Variants in CSMD3 observed in about 807,000 individuals in gnomAD.
CSMD3 encodes the protein CUB and sushi domain-containing protein 3.
A neutral mutation model predicts 435.2 loss-of-function variants in CSMD3; 177 were observed. The observed-to-expected ratio is 0.41, with a 90% CI of 0.36 to 0.46. CSMD3 has a LOEUF of 0.46. CSMD3 is among the 20% of genes least tolerant of loss of function. The probability of loss-of-function intolerance (pLI) is 0.34; values close to 1 mark genes in which losing one functional copy is unlikely to be tolerated. For synonymous variants in CSMD3, 1,656 were observed against 1,520.5 expected (o/e 1.09, Z -2.07); for missense variants, 4,265 against 4,504.6 (o/e 0.95, Z 1.52).
In CSMD3 at chr8:113,077,677, T is replaced by C. The variant is rs2089400629; in HGVS notation, c.917+21079A>G. On this transcript the variant is annotated intron_variant, in intron 5 of 70. Transcript: ENST00000297405. ...GAGATCGCATCACTGGACTCCAGCC[T>C]GGGTGACAGAGCAAGACTCTTGTCT... Among the ~76,000 whole-genome samples, 4 of 152,146 alleles carry C rather than the reference T, an allele frequency of 2.6e-5. No homozygotes were observed. The South Asian group carries it at 8.3e-4, about 31-fold the overall frequency.
At chr8:113,219,734 A>C (rs542530388) in intron 3 of CSMD3, among the ~76,000 whole-genome samples, 1 of 151,644 alleles carries the variant, frequency 6.6e-6, no homozygotes, top group African/African-American at 2.4e-5. Context: ...TATACTGGGT[A>C]TAGGAAAAGC....
intron 13 of CSMD3, among the ~76,000 whole-genome samples, chr8:112,751,147 T>TA (rs1324251736): frequency 1.3e-5 from 2 of 152,076 alleles, no homozygotes; most frequent in Non-Finnish European, 2.9e-5. Flanking sequence ...TGCATGCATA[T>TA]AATCCTCCCC....
At chr8:113,299,754 T>G (rs1289976091) in intron 2 of CSMD3, among the ~76,000 whole-genome samples, 1 of 152,028 alleles carries the variant, frequency 6.6e-6, no homozygotes, top group African/African-American at 2.4e-5. Flanking sequence ...TAGAACTTTG[T>G]GAAGCTGAGG....
intron 3 of CSMD3, among the ~76,000 whole-genome samples, chr8:113,236,123 C>T (rs1222896835): frequency 1.3e-5 from 2 of 152,052 alleles, no homozygotes; most frequent in Non-Finnish European, 2.9e-5. Flanking sequence ...AAAAACACAC[C>T]ACTAGGTGGA....
At chr8:112,426,221 T>C (rs559861464) in intron 32 of CSMD3, among the ~76,000 whole-genome samples, 1 of 152,258 alleles carries the variant, frequency 6.6e-6, no homozygotes, top group African/African-American at 2.4e-5. Flanking sequence ...ATTCCATTGG[T>C]GAATTTGAGT....
chr8:112,844,191 T>A (rs915209679), intron 11 of CSMD3, among the ~76,000 whole-genome samples: 6 of 151,984 alleles, frequency 3.9e-5, no homozygotes, highest in Non-Finnish European at 2.9e-5. Context: ...CAATTTAATA[T>A]AATTAATTCA....
Position 112,921,610 on chromosome 8 carries a change from T to C in CSMD3, c.1633+17A>G. The C allele has an allele frequency of 6.2e-7, 1 of 1,606,124 alleles. No homozygotes were observed. The highest frequency in any genetic ancestry group is 8.5e-7 in the Non-Finnish European group (1 of 1,173,162). The stretch of plus-strand genomic sequence containing the variant: ...ACTATTAAAATGTGTTCAGAGGGCA[T>C]TATTATAAAACATTACCTTTACACA... On this transcript the variant is annotated intron_variant, in intron 10 of 70. Coordinates refer to ENST00000297405, the MANE Select transcript of CSMD3 (RefSeq NM_198123.2).
At chr8:112,897,776 G>T (rs74424007) in intron 10 of CSMD3, among the ~76,000 whole-genome samples, 1 of 146,046 alleles carries the variant, frequency 6.8e-6, no homozygotes, top group Non-Finnish European at 1.5e-5. Context: ...AAAAAAATAG[G>T]CATAAAGCGG....
intron 1 of CSMD3, among the ~76,000 whole-genome samples, chr8:113,429,404 A>C (rs1021612880): frequency 3.9e-5 from 6 of 151,990 alleles, no homozygotes; most frequent in Non-Finnish European, 5.9e-5. Context: ...GATTATAAGA[A>C]ATAAATAAAA....
chr8:113,149,343 T>C (rs886837084), intron 4 of CSMD3, among the ~76,000 whole-genome samples: 3 of 151,842 alleles, frequency 2.0e-5, no homozygotes, highest in Admixed American at 6.6e-5. Context: ...TTCAGATTCA[T>C]TGTCTTCCCT....
chr8:113,323,352 C>T (rs948619390), intron 1 of CSMD3, among the ~76,000 whole-genome samples: 1 of 152,134 alleles, frequency 6.6e-6, no homozygotes, highest in Non-Finnish European at 1.5e-5. Context: ...TCAAATTACT[C>T]AATTGTTATT....
At chr8:112,612,709 CTTTTTTTT>C (rs532290154) in intron 22 of CSMD3, among the ~76,000 whole-genome samples, 18 of 65,888 alleles carry the variant, frequency 2.7e-4, no homozygotes, top group African/African-American at 8.1e-4. Flanking sequence ...TTTCTTTGTT[CTTTTTTTT>C]TTTTTTTTTT....
At chr8:112,606,030 C>T (rs1832765218) in intron 22 of CSMD3, among the ~76,000 whole-genome samples, 1 of 152,110 alleles carries the variant, frequency 6.6e-6, no homozygotes. Flanking sequence ...CTATCATCAT[C>T]CTCTGAAGCA....
At chr8:112,576,991 G>A (rs562089868) in intron 23 of CSMD3, among the ~76,000 whole-genome samples, 1 of 152,078 alleles carries the variant, frequency 6.6e-6, no homozygotes, top group South Asian at 2.1e-4. Context: ...AACAAAATCT[G>A]CTAACTACAA....
At chr8:112,535,401 T>C (rs935243609) in intron 27 of CSMD3, among the ~76,000 whole-genome samples, 25 of 151,878 alleles carry the variant, frequency 1.6e-4, no homozygotes, top group Non-Finnish European at 2.9e-5. Flanking sequence ...AGCCAAATCA[T>C]GAGTGAACTC....
intron 5 of CSMD3, among the ~76,000 whole-genome samples, chr8:113,020,447 G>T (rs2086647519): frequency 6.6e-6 from 1 of 152,052 alleles, no homozygotes; most frequent in African/African-American, 2.4e-5. Flanking sequence ...CAGTTTTTAT[G>T]ACATCATGAA....
chr8:113,143,640 T>C (rs1011232267), intron 4 of CSMD3, among the ~76,000 whole-genome samples: 3 of 151,406 alleles, frequency 2.0e-5, no homozygotes, highest in Non-Finnish European at 1.5e-5. Flanking sequence ...GAACTATTGA[T>C]ACATGCAAAA....
intron 10 of CSMD3, among the ~76,000 whole-genome samples, chr8:112,885,138 AT>A (rs1416657203): frequency 6.6e-6 from 1 of 151,666 alleles, no homozygotes; most frequent in Non-Finnish European, 1.5e-5. Flanking sequence ...ACCACATCTT[AT>A]TCCTGACTGG....
chr8:113,166,155 G>A (rs1196064823), intron 4 of CSMD3, among the ~76,000 whole-genome samples: 1 of 152,064 alleles, frequency 6.6e-6, no homozygotes, highest in Non-Finnish European at 1.5e-5. Flanking sequence ...GCCTGTAGCT[G>A]TTTCATTAAT....
Sources: allele counts gnomAD v4.1 joint callset (sites outside exome capture counted in the v4.1 genomes callset), GRCh38; gene constraint gnomAD v4.1.1; transcripts MANE v1.5; gene names NCBI Gene and HGNC (gene_info 2026-07-23, HGNC 2026-07-21).